ILRUN: variants seen among roughly 807,000 people sequenced by gnomAD.
ILRUN encodes the protein inflammation and lipid regulator with UBA-like and NBR1-like domains.
ILRUN carries 3 observed loss-of-function variants against 33.8 expected under a neutral mutation model. The observed-to-expected ratio is 0.09, with a 90% CI of 0.04 to 0.23. The LOEUF (loss-of-function observed/expected upper bound fraction) is 0.23. Ranked by LOEUF, ILRUN falls within the 10% of genes least tolerant of loss-of-function variation. The probability of loss-of-function intolerance (pLI) is 1.00; values close to 1 mark genes in which losing one functional copy is unlikely to be tolerated. For missense variants in ILRUN, 210 were observed against 375.1 expected, an observed-to-expected ratio of 0.56 and a Z score of 3.64; for synonymous variants, 124 against 138.9, an observed-to-expected ratio of 0.89 and a Z score of 0.75.
At chr6:34,633,304 A>C (rs1762285315) in intron 3 of ILRUN, among the ~76,000 whole-genome samples, 1 of 152,232 alleles carries the variant, frequency 6.6e-6, no homozygotes, top group Non-Finnish European at 1.5e-5. Context: ...AAAGGAGAAA[A>C]AAAGTAACAA....
intron 1 of ILRUN, among the ~76,000 whole-genome samples, chr6:34,676,480 A>T (rs2814941): frequency 1.3e-5 from 2 of 150,326 alleles, no homozygotes; most frequent in Non-Finnish European, 3.0e-5. Context: ...AGCTAGCTAG[A>T]TAGGTAGATA....
At chr6:34,647,847 G>A (rs560702480) in intron 2 of ILRUN, among the ~76,000 whole-genome samples, 63 of 152,268 alleles carry the variant, frequency 4.1e-4, no homozygotes, top group Middle Eastern at 3.4e-3. Flanking sequence ...ACAGGTGTGA[G>A]CCACAGCGCC....
At chr6:34,600,214 T>C (rs1278679357) in intron 4 of ILRUN, among the ~76,000 whole-genome samples, 1 of 152,216 alleles carries the variant, frequency 6.6e-6, no homozygotes, top group East Asian at 1.9e-4. Flanking sequence ...CAAAGCTTTA[T>C]AAGGGCCCGC....
At chr6:34,679,214 TG>T (rs1455810179) in intron 1 of ILRUN, among the ~76,000 whole-genome samples, 3 of 151,010 alleles carry the variant, frequency 2.0e-5, no homozygotes, top group African/African-American at 7.3e-5. Flanking sequence ...CCTATGAAAT[TG>T]GAAAAAAAAT....
chr6:34,604,043 T>G (rs762218539), intron 4 of ILRUN, among the ~76,000 whole-genome samples: 4 of 152,244 alleles, frequency 2.6e-5, no homozygotes, highest in Non-Finnish European at 5.9e-5. Flanking sequence ...CAATTTCTCT[T>G]TGGCATCTAA....
At chr6:34,676,446 A>C (rs759788115) in intron 1 of ILRUN, among the ~76,000 whole-genome samples, 126 of 147,982 alleles carry the variant, frequency 8.5e-4, no homozygotes, top group Middle Eastern at 3.5e-3. Context: ...AGCTAGCTAG[A>C]TAGATAGATA....
At chr6:34,645,566 C>G (rs962407731) in intron 3 of ILRUN, among the ~76,000 whole-genome samples, 5 of 151,996 alleles carry the variant, frequency 3.3e-5, no homozygotes, top group African/African-American at 9.7e-5. Context: ...GAGACAGGGT[C>G]TCTCTGTTTT....
intron 1 of ILRUN, among the ~76,000 whole-genome samples, chr6:34,678,929 A>G (rs1451772039): frequency 6.6e-6 from 1 of 151,804 alleles, no homozygotes; most frequent in Non-Finnish European, 1.5e-5. Context: ...GTGCAAGTTC[A>G]GTAAATTCAT....
rs869049658 is a variant in ILRUN, at chr6:34,614,431, TAAAAAAAAA to T, written c.512-7536_512-7528del. On this transcript the variant is annotated intron_variant, in intron 3 of 4. Transcript: ENST00000374023. Reference sequence around the variant, plus strand: ...AGCAAGACTCCATCTCAAAAAATAATAAAAAAAAAAAAATATATATATATAAAATGTATA... The same window carrying T: ...AGCAAGACTCCATCTCAAAAAATAATAAAATATATATATATAAAATGTATA... 8.4e-4 allele frequency among the ~76,000 whole-genome samples: 96 copies of T among 113,816 alleles called. 4 individuals carry two copies. Among genetic ancestry groups the T allele is most frequent in the Middle Eastern group, 4.2e-3 (1 of 240 alleles). 74.7% of individuals were successfully genotyped at this position (113,816 alleles called of 152,430 possible).
intron 4 of ILRUN, among the ~76,000 whole-genome samples, chr6:34,605,925 C>T (rs1220888709): frequency 6.6e-6 from 1 of 152,172 alleles, no homozygotes; most frequent in South Asian, 2.1e-4. Flanking sequence ...ATTCAACCAA[C>T]CAAAACCAAC....
chr6:34,631,527 C>T (rs1434392118), intron 3 of ILRUN, among the ~76,000 whole-genome samples: 1 of 152,076 alleles, frequency 6.6e-6, no homozygotes, highest in Admixed American at 6.6e-5. Flanking sequence ...CAGAGTTTCA[C>T]CAAGTTGGCC....
chr6:34,676,964 G>T (rs1473974956), intron 1 of ILRUN, among the ~76,000 whole-genome samples: 2 of 148,610 alleles, frequency 1.3e-5, no homozygotes, highest in Non-Finnish European at 3.0e-5. Context: ...CTCGGAATTT[G>T]CCCCAAATAA....
At chr6:34,634,916 G>A (rs1762325985) in intron 3 of ILRUN, among the ~76,000 whole-genome samples, 1 of 152,246 alleles carries the variant, frequency 6.6e-6, no homozygotes, top group Admixed American at 6.5e-5. Flanking sequence ...CATCCACAGA[G>A]CTGCACTGTC....
intron 3 of ILRUN, among the ~76,000 whole-genome samples, chr6:34,614,250 G>A (rs199902241): frequency 4.6e-5 from 7 of 151,462 alleles, no homozygotes; most frequent in East Asian, 3.9e-4. Context: ...GTGAAATCCC[G>A]TCACTACTAA....
At chr6:34,647,962 G>A (rs1044257394) in intron 2 of ILRUN, among the ~76,000 whole-genome samples, 1 of 152,212 alleles carries the variant, frequency 6.6e-6, no homozygotes, top group Non-Finnish European at 1.5e-5. Flanking sequence ...GCCTCCCAAA[G>A]TGCTGGGATT....
intron 1 of ILRUN, among the ~76,000 whole-genome samples, chr6:34,668,998 C>G (rs1281758903): frequency 6.6e-6 from 1 of 152,002 alleles, no homozygotes; most frequent in Non-Finnish European, 1.5e-5. Context: ...TGTGCGCCAC[C>G]ACACCTGGCT....
intron 3 of ILRUN, among the ~76,000 whole-genome samples, chr6:34,642,693 A>G (rs1302976803): frequency 6.6e-6 from 1 of 151,880 alleles, no homozygotes; most frequent in Non-Finnish European, 1.5e-5. Context: ...TAAGAATAAT[A>G]ACAGTGTTCT....
At chr6:34,593,791 T>C (rs949767774) in intron 4 of ILRUN, among the ~76,000 whole-genome samples, 1 of 152,180 alleles carries the variant, frequency 6.6e-6, no homozygotes, top group Non-Finnish European at 1.5e-5. Flanking sequence ...TATTTTACGA[T>C]CTAGACTCCC....
Position 34,689,841 on chromosome 6 carries a change from A to C in ILRUN, c.158+6605T>G, listed in dbSNP as rs181254287. Among the ~76,000 whole-genome samples, 6 of 151,828 alleles carry C rather than the reference A, an allele frequency of 4.0e-5. No individual in the cohort carries two copies. In the East Asian group the frequency reaches 1.2e-3, roughly 29 times the overall value. ...ATATTTTACAGAAATATTTTTCCCA[A>C]GTTACTTTTCTAGAAAACATCTGTT... is the stretch of plus-strand genomic sequence containing the variant. On this transcript the variant is annotated intron_variant, in intron 1 of 4. Coordinates refer to ENST00000374023, the MANE Select transcript of ILRUN (RefSeq NM_024294.4).
Sources: allele counts gnomAD v4.1 joint callset (sites outside exome capture counted in the v4.1 genomes callset), GRCh38; gene constraint gnomAD v4.1.1; transcripts MANE v1.5; gene names NCBI Gene and HGNC (gene_info 2026-07-23, HGNC 2026-07-21).